CTNND2: variants seen among roughly 807,000 people sequenced by gnomAD.
CTNND2 encodes catenin delta 2.
In CTNND2, 22 loss-of-function variants were observed where a neutral mutation model predicts 144.4. The observed-to-expected ratio is 0.15, with a 90% CI of 0.11 to 0.22. The LOEUF (loss-of-function observed/expected upper bound fraction) is 0.22, where lower values mean the gene tolerates loss of function less well. Ranked by LOEUF, CTNND2 falls within the 10% of genes least tolerant of loss-of-function variation. The probability of loss-of-function intolerance (pLI) is 1.00; values close to 1 mark genes in which losing one functional copy is unlikely to be tolerated. For synonymous variants in CTNND2, 751 were observed against 695.6 expected (o/e 1.08, Z -1.25); for missense variants, 1,353 against 1,618.8 (o/e 0.84, Z 2.82).
rs918263224 is a variant in CTNND2 at position 11,054,021 on chromosome 5, G to A, written c.2788+28675C>T. Among the ~76,000 whole-genome samples, 4 of 152,214 alleles carry A rather than the reference G, an allele frequency of 2.6e-5. No individual in the cohort carries two copies. In the East Asian group the frequency reaches 5.8e-4, roughly 22 times the overall value. ...AAATAAAAAAGGGTTTTGGAGAAAA[G>A]GCATCATCACAATAGGCTGGAGATA... On this transcript the variant is annotated intron_variant, in intron 16 of 21. Transcript: ENST00000304623.
At position 11,554,613 on chromosome 5, in the gene CTNND2, T is replaced by C. The variant is rs79796050; in HGVS notation, c.287+10331A>G. 4.5e-3 allele frequency among the ~76,000 whole-genome samples: 679 copies of C among 152,294 alleles called. 5 individuals carry two copies. Among genetic ancestry groups the C allele is most frequent in the African/African-American group, 0.016 (659 of 41,564 alleles). On this transcript the variant is annotated intron_variant, in intron 3 of 21. Transcript: ENST00000304623. ...TCTATCTAACCCATTTAATTTTGTG[T>C]CTGGCCTAGGGAAACTGCTCAATAA... is the stretch of plus-strand genomic sequence containing the variant.
intron 2 of CTNND2, among the ~76,000 whole-genome samples, chr5:11,587,768 A>G (rs966658391): frequency 8.5e-5 from 13 of 152,150 alleles, no homozygotes; most frequent in African/African-American, 3.1e-4. Context: ...AGAATCTCTC[A>G]GGCATTCCAT....
At chr5:11,070,870 T>C (rs1044239433) in intron 16 of CTNND2, among the ~76,000 whole-genome samples, 1 of 152,066 alleles carries the variant, frequency 6.6e-6, no homozygotes, top group African/African-American at 2.4e-5. Context: ...TATACAAGTT[T>C]ATTGCAGGAA....
At chr5:11,182,191 GGTAT>G (rs2149802033) in intron 11 of CTNND2, among the ~76,000 whole-genome samples, 1 of 143,924 alleles carries the variant, frequency 6.9e-6, no homozygotes, top group South Asian at 2.3e-4. Flanking sequence ...GTGTGTGTGG[GGTAT>G]GTGTGTGTGG....
intron 9 of CTNND2, among the ~76,000 whole-genome samples, chr5:11,255,427 G>A (rs1744137932): frequency 6.6e-6 from 1 of 152,206 alleles, no homozygotes; most frequent in Admixed American, 6.5e-5. Context: ...GAAGCATCTT[G>A]AAATCCTAGC....
chr5:11,341,787 C>T (rs1754299734), intron 9 of CTNND2, among the ~76,000 whole-genome samples: 1 of 152,184 alleles, frequency 6.6e-6, no homozygotes, highest in Admixed American at 6.5e-5. Context: ...GCAGGAGGAT[C>T]ACTTGAGTCA....
chr5:11,411,649 C>A lies in CTNND2; in HGVS notation c.326G>T (p.Gly109Val). 1 of 1,583,718 alleles carries A rather than the reference C, an allele frequency of 6.3e-7. No individual in the cohort carries two copies. The highest frequency in any genetic ancestry group is 8.7e-7 in the Non-Finnish European group (1 of 1,155,492). The change falls in exon 5 of 22, where the codon GGT (glycine) becomes GTT (valine). Residue 109 changes from glycine (G) to valine (V), a missense_variant. Around this residue, in one of 4 missense-constraint regions of CTNND2, gnomAD observed 708 missense variants for 706.4 expected, o/e 1.00. Transcript: ENST00000304623. ...EEQFQWQSQD[G>V]QKDIEDELTT... ...AAGCTCATCTTCGATATCTTTTTGA[C>A]CATCTGAAATGAAATATTTTAAAGT...
intron 3 of CTNND2, among the ~76,000 whole-genome samples, chr5:11,544,128 C>T (rs1471671239): frequency 6.6e-6 from 1 of 151,576 alleles, no homozygotes; most frequent in African/African-American, 2.4e-5. Context: ...TTAAAGGGGA[C>T]TTTAAAATTA....
At chr5:11,489,635 A>T (rs370900043) in intron 3 of CTNND2, among the ~76,000 whole-genome samples, 55 of 152,316 alleles carry the variant, frequency 3.6e-4, no homozygotes, top group African/African-American at 1.3e-3. Context: ...TAATGTAACC[A>T]AATATGCAGA....
chr5:11,489,730 CTCACTGAGGTGTCCTAAT>C (rs1374752399), intron 3 of CTNND2, among the ~76,000 whole-genome samples: 1 of 152,182 alleles, frequency 6.6e-6, no homozygotes, highest in Non-Finnish European at 1.5e-5. Flanking sequence ...TCCATACTTG[CTCACTGAGGTGTCCTAAT>C]TCACATATGA....
At chr5:10,994,680 G>A (rs372424541) in intron 18 of CTNND2, among the ~76,000 whole-genome samples, 3 of 152,108 alleles carry the variant, frequency 2.0e-5, no homozygotes, top group Non-Finnish European at 4.4e-5. Context: ...GGGTGGGAAC[G>A]GCTTCGCTGG....
chr5:11,378,047 C>T (rs1449869589), intron 7 of CTNND2, among the ~76,000 whole-genome samples: 2 of 152,084 alleles, frequency 1.3e-5, no homozygotes, highest in Admixed American at 1.3e-4. Flanking sequence ...TGGGGAATTC[C>T]AGAGAGATGA....
At chr5:11,469,400 T>C (rs1466452877) in intron 3 of CTNND2, among the ~76,000 whole-genome samples, 6 of 152,214 alleles carry the variant, frequency 3.9e-5, no homozygotes, top group Non-Finnish European at 8.8e-5. Context: ...CATAAATCGA[T>C]ATGCAAGAGA....
rs994434798 is a variant in CTNND2, at chr5:11,441,895, C to T, written c.288-29826G>A. On this transcript the variant is annotated intron_variant, in intron 3 of 21. Coordinates refer to ENST00000304623, the MANE Select transcript of CTNND2 (RefSeq NM_001332.4). ...ATAAACCCGTGCCTTAATTAACTTA[C>T]GCTTTTTTCCATCTGTAACTATCTG... Among the ~76,000 whole-genome samples, 27 of 152,194 alleles carry T rather than the reference C, an allele frequency of 1.8e-4. 1 individual carries two copies. The highest frequency in any genetic ancestry group is 1.9e-4 in the East Asian group (1 of 5,184).
chr5:10,984,973 C>T (rs569952366), intron 20 of CTNND2, among the ~76,000 whole-genome samples: 1 of 152,222 alleles, frequency 6.6e-6, no homozygotes, highest in African/African-American at 2.4e-5. Context: ...ACTCGAAACG[C>T]TGAGGCAGGA....
At chr5:11,117,593 G>A (rs1243535848) in intron 12 of CTNND2, 26 bp from the exon 13 acceptor site, 10 of 1,560,982 alleles carry the variant, frequency 6.4e-6, no homozygotes, top group East Asian at 2.2e-5. Flanking sequence ...ACACGTCAGC[G>A]ATCTTCACGG....
intron 1 of CTNND2, among the ~76,000 whole-genome samples, chr5:11,765,259 T>C (rs1474526186): frequency 6.6e-6 from 1 of 152,180 alleles, no homozygotes; most frequent in East Asian, 1.9e-4. Flanking sequence ...GTCAGGATCA[T>C]GCCTGGGGAA....
At chr5:11,584,795 G>A (rs1157247536) in intron 2 of CTNND2, among the ~76,000 whole-genome samples, 2 of 152,018 alleles carry the variant, frequency 1.3e-5, no homozygotes, top group Admixed American at 1.3e-4. Flanking sequence ...TAATTCTTAG[G>A]ACCCTAAAGA....
rs192984793 is a variant in CTNND2, at chr5:11,218,329, C to G, written c.1761+18362G>C. Among the ~76,000 whole-genome samples the G allele has an allele frequency of 1.8e-4, 27 of 152,242 alleles. No individual in the cohort carries two copies. In the East Asian group the frequency reaches 5.0e-3, roughly 28 times the overall value. Reference sequence around the variant, plus strand: ...TGACAAGCCAGCATCATCTTGTCATCGGAGTCATGCTGGTGCCAACTCTGA... The same window carrying G: ...TGACAAGCCAGCATCATCTTGTCATGGGAGTCATGCTGGTGCCAACTCTGA... On this transcript the variant is annotated intron_variant, in intron 10 of 21. Transcript: ENST00000304623.
Sources: allele counts gnomAD v4.1 joint callset (sites outside exome capture counted in the v4.1 genomes callset), GRCh38; gene constraint gnomAD v4.1.1; regional missense constraint gnomAD v4.1.1; transcripts MANE v1.5; gene names NCBI Gene and HGNC (gene_info 2026-07-23, HGNC 2026-07-21).